Variants in HOMER1 observed in about 807,000 individuals in gnomAD.
HOMER1 encodes the protein homer protein homolog 1.
HOMER1 carries 3 observed loss-of-function variants against 48.9 expected under a neutral mutation model. The observed-to-expected ratio is 0.06, with a 90% CI of 0.03 to 0.16. HOMER1 has a LOEUF of 0.16. HOMER1 is among the 10% of genes least tolerant of loss of function. The probability of loss-of-function intolerance (pLI) is 1.00; values close to 1 mark genes in which losing one functional copy is unlikely to be tolerated. For missense variants in HOMER1, 247 were observed against 411.4 expected (o/e 0.60, Z 3.46); for synonymous variants, 134 against 146.4 (o/e 0.92, Z 0.61).
chr5:79,407,650 A>G (rs1305357700), intron 5 of HOMER1, among the ~76,000 whole-genome samples: 1 of 152,238 alleles, frequency 6.6e-6, no homozygotes, highest in Non-Finnish European at 1.5e-5. Flanking sequence ...TGAAACACAA[A>G]GAGAAAAAAG....
chr5:79,486,740 T>C (rs143579546), intron 1 of HOMER1, among the ~76,000 whole-genome samples: 2 of 152,216 alleles, frequency 1.3e-5, no homozygotes, highest in African/African-American at 4.8e-5. Flanking sequence ...TAAAATGAGG[T>C]TTAGAAAGCC....
rs1389792468 is a variant in HOMER1, at chr5:79,419,402, A to G, written c.528-17347T>C. On this transcript the variant is annotated intron_variant, in intron 5 of 8. Coordinates refer to ENST00000334082, the MANE Select transcript of HOMER1 (RefSeq NM_004272.5). ...GCTTATTAACAGCTTTCAGAAAACC[A>G]TCCCAAATGACCACATATTCCCAAG... is the stretch of plus-strand genomic sequence containing the variant. Among the ~76,000 whole-genome samples the G allele has an allele frequency of 3.3e-5, 5 of 152,192 alleles. No individual in the cohort carries two copies. In the East Asian group the frequency reaches 7.7e-4, roughly 23 times the overall value.
At chr5:79,439,438 A>T (rs1750683585) in intron 4 of HOMER1, among the ~76,000 whole-genome samples, 1 of 152,220 alleles carries the variant, frequency 6.6e-6, no homozygotes, top group African/African-American at 2.4e-5. Flanking sequence ...CGAATAATTT[A>T]AAAATGTTTG....
intron 1 of HOMER1, among the ~76,000 whole-genome samples, chr5:79,472,702 C>T (rs1751656289): frequency 6.6e-6 from 1 of 151,912 alleles, no homozygotes; most frequent in South Asian, 2.1e-4. Context: ...TCGCTTGAGC[C>T]CGTAAGTTTG....
intron 2 of HOMER1, among the ~76,000 whole-genome samples, chr5:79,452,434 A>C (rs1046555623): frequency 6.6e-6 from 1 of 152,226 alleles, no homozygotes; most frequent in African/African-American, 2.4e-5. Flanking sequence ...AACGCACTCC[A>C]AATTTAAGAT....
chr5:79,453,219 A>C (rs1437555791), intron 2 of HOMER1, among the ~76,000 whole-genome samples: 1 of 139,714 alleles, frequency 7.2e-6, no homozygotes, highest in African/African-American at 2.6e-5. Flanking sequence ...GCACTGCCTT[A>C]GATTTGCTGG....
chr5:79,498,961 G>C lies in HOMER1; in HGVS notation c.5+13809C>G, dbSNP rs866157376. The stretch of plus-strand genomic sequence containing the variant: ...AGCATTTCTCCTGCCTCAGCCTCCC[G>C]AGTAGCTGGGACTACAGGCGCATAC... On this transcript the variant is annotated intron_variant, in intron 1 of 8. Coordinates refer to ENST00000334082, the MANE Select transcript of HOMER1 (RefSeq NM_004272.5). Among the ~76,000 whole-genome samples the C allele has an allele frequency of 2.6e-5, 4 of 151,190 alleles. No homozygotes were observed. The Admixed American group carries it at 2.6e-4, about 10-fold the overall frequency.
chr5:79,504,896 A>G (rs867964568), intron 1 of HOMER1, among the ~76,000 whole-genome samples: 1 of 152,232 alleles, frequency 6.6e-6, no homozygotes, highest in South Asian at 2.1e-4. Context: ...TATGTACTGC[A>G]CTATGAACTT....
chr5:79,440,381 G>A lies in HOMER1; in HGVS notation c.388-1232C>T, dbSNP rs535432025. 2.6e-5 allele frequency among the ~76,000 whole-genome samples: 4 copies of A among 152,096 alleles called. No homozygotes were observed. The South Asian group carries it at 8.3e-4, about 32-fold the overall frequency. ...TTCACATTTAAGTATTTTAACTAAT[G>A]GTTCCATAATGCTATAAACTATACA... On this transcript the variant is annotated intron_variant, in intron 4 of 8. Coordinates refer to ENST00000334082, the MANE Select transcript of HOMER1 (RefSeq NM_004272.5).
chr5:79,512,881 C>A lies in HOMER1; in HGVS notation c.-107G>T. On this transcript the variant is annotated 5_prime_UTR_variant, in exon 1 of 9. Transcript: ENST00000334082. The stretch of plus-strand genomic sequence containing the variant: ...TCGCAGTTGCTTTTCCACCCCCACC[C>A]CCAGATCCTTGTCCGGAGGTATTTC... The A allele has an allele frequency of 1.0e-6, 1 of 990,050 alleles. No homozygotes were observed. The allele number at this position is 990,050 out of a possible 1,614,324, so 61.3% of individuals were successfully genotyped here. A position where few individuals can be genotyped will look rare whatever the true frequency, so the allele number is the denominator to read the frequency against.
intron 5 of HOMER1, among the ~76,000 whole-genome samples, chr5:79,425,670 A>G (rs1272823168): frequency 1.3e-5 from 2 of 152,208 alleles, no homozygotes; most frequent in East Asian, 1.9e-4. Flanking sequence ...GTGAAAAGAT[A>G]TAACTACTAA....
At chr5:79,453,331 A>G (rs1751079532) in intron 2 of HOMER1, among the ~76,000 whole-genome samples, 1 of 152,194 alleles carries the variant, frequency 6.6e-6, no homozygotes, top group Non-Finnish European at 1.5e-5. Flanking sequence ...CAGGTTTTAT[A>G]GGCATCTAAG....
intron 5 of HOMER1, among the ~76,000 whole-genome samples, chr5:79,428,005 G>T (rs998869477): frequency 2.6e-5 from 4 of 152,224 alleles, no homozygotes; most frequent in Admixed American, 1.3e-4. Flanking sequence ...AGACAGGAAG[G>T]TTTCATATTT....
At position 79,376,040 on chromosome 5, in the gene HOMER1, T is replaced by A; in HGVS notation, c.1034A>T (p.Asp345Val). 6.2e-7 allele frequency: 1 copy of A among 1,612,300 alleles called. No individual in the cohort carries two copies. The highest frequency in any genetic ancestry group is 8.5e-7 in the Non-Finnish European group (1 of 1,179,250). The change falls in exon 9 of 9, where the codon GAT becomes GTT. Residue 345 changes from aspartate (D) to valine (V), a missense_variant. This residue lies in a region of HOMER1 where 113 missense variants were observed against 152.5 expected (regional missense o/e 0.74). Transcript: ENST00000334082. ...GCATTCTAGTAGCTTGGCCAAGTTATCTCGTAATTCTGTTAGTTCAAATAT... is the reference window on the plus strand; with the variant it reads ...GCATTCTAGTAGCTTGGCCAAGTTAACTCGTAATTCTGTTAGTTCAAATAT... ...GKIFELTELR[D>V]NLAKLLECS is the part of the protein sequence containing the mutation.
chr5:79,478,666 C>A (rs983705479), intron 1 of HOMER1, among the ~76,000 whole-genome samples: 5 of 148,218 alleles, frequency 3.4e-5, no homozygotes, highest in African/African-American at 1.2e-4. Context: ...AAAAATCAAC[C>A]ATAGGCCAGG....
intron 8 of HOMER1, among the ~76,000 whole-genome samples, chr5:79,395,810 TG>T (rs1372010073): frequency 6.6e-6 from 1 of 152,236 alleles, no homozygotes; most frequent in African/African-American, 2.4e-5. Flanking sequence ...TTTCTTCATC[TG>T]GGTTATTATG....
intron 1 of HOMER1, among the ~76,000 whole-genome samples, chr5:79,493,699 T>A (rs186525722): frequency 6.6e-6 from 1 of 152,250 alleles, no homozygotes; most frequent in East Asian, 1.9e-4. Flanking sequence ...TTCTCACCCA[T>A]CTCTTTCTCA....
In HOMER1 at chr5:79,390,844, G is replaced by T. The variant is rs188300675; in HGVS notation, c.876+5979C>A. Among the ~76,000 whole-genome samples, 90 of 152,146 alleles carry T rather than the reference G, an allele frequency of 5.9e-4. 3 individuals are homozygous for T. The East Asian group carries it at 0.017, about 28-fold the overall frequency. ...TTTTTATACCTTTCATACAGCTGTT[G>T]TATGAAAAGGAAATAAAGTCAAAAT... On this transcript the variant is annotated intron_variant, in intron 8 of 8. Coordinates refer to ENST00000334082, the MANE Select transcript of HOMER1 (RefSeq NM_004272.5).
At chr5:79,466,744 T>G (rs1002259909) in intron 1 of HOMER1, among the ~76,000 whole-genome samples, 3 of 151,302 alleles carry the variant, frequency 2.0e-5, no homozygotes, top group Admixed American at 6.6e-5. Flanking sequence ...GTTAAACTCC[T>G]GGCGTTTTAT....
Sources: allele counts gnomAD v4.1 joint callset (sites outside exome capture counted in the v4.1 genomes callset), GRCh38; gene constraint gnomAD v4.1.1; regional missense constraint gnomAD v4.1.1; transcripts MANE v1.5; gene names NCBI Gene and HGNC (gene_info 2026-07-23, HGNC 2026-07-21).